Variants in ITLN1 observed in about 807,000 individuals in gnomAD.
ITLN1 encodes the protein intelectin-1.
ITLN1 carries 29 observed loss-of-function variants against 36.2 expected under a neutral mutation model. The ratio of observed to expected loss-of-function variants is 0.80; its 90% confidence interval spans 0.60 to 1.09. The LOEUF is 1.09. Among genes scored for constraint, ITLN1 ranks in the 50% least tolerant of loss-of-function variants. ITLN1 has a pLI of 0.00. For missense variants in ITLN1, 358 were observed against 405.2 expected, an observed-to-expected ratio of 0.88 and a Z score of 1.00; for synonymous variants, 143 against 146.5, an observed-to-expected ratio of 0.98 and a Z score of 0.17.
chr1:160,881,827 A>ATT, intron 4 of ITLN1, 130 bp downstream of exon 4: 3 of 941,638 alleles, frequency 3.2e-6, no homozygotes, highest in Non-Finnish European at 4.7e-6. Context: ...AAAAAAAAAG[A>ATT]TATAAGTATT....
chr1:160,879,476 C>T lies in ITLN1; in HGVS notation c.686-62G>A, dbSNP rs1670643838. 3.0e-6 allele frequency: 4 copies of T among 1,320,260 alleles called. No individual in the cohort carries two copies. The African/African-American group carries it at 4.4e-5, about 14-fold the overall frequency. The allele number at this position is 1,320,260 out of a possible 1,614,324, so 81.8% of individuals were successfully genotyped here. On this transcript the variant is annotated intron_variant, in intron 6 of 7. Transcript: ENST00000326245. ...ATGCTAGAAATTGCTTTCCTTAGGCCAGCCCAGAGGCTCTCGATGCCAAAG... is the reference window on the plus strand; with the variant it reads ...ATGCTAGAAATTGCTTTCCTTAGGCTAGCCCAGAGGCTCTCGATGCCAAAG...
At chr1:160,881,086 G>T in intron 5 of ITLN1, 68 bp downstream of exon 5, 1 of 1,490,888 alleles carries the variant, frequency 6.7e-7, no homozygotes, top group Non-Finnish European at 9.0e-7. Context: ...AATGACTCCT[G>T]CCCAACCTCT....
In ITLN1 at chr1:160,876,819, G is replaced by A; in HGVS notation, c.790-3C>T. 5.6e-6 allele frequency: 9 copies of A among 1,613,388 alleles called. No homozygotes were observed. The highest frequency in any genetic ancestry group is 7.6e-6 in the Non-Finnish European group (9 of 1,179,756). ...TATCCTCCTCCACCAATGCAGTGCT[G>A]GGAAACAAAGAGAGGAAGAGGCAGT... On this transcript the variant is annotated splice_polypyrimidine_tract_variant and splice_region_variant and intron_variant, in intron 7 of 7. Transcript: ENST00000326245.
intron 7 of ITLN1, 113 bp from the exon 8 acceptor site, chr1:160,876,929 C>T: frequency 9.4e-7 from 1 of 1,059,780 alleles, no homozygotes; most frequent in African/African-American, 1.6e-5. Context: ...TCTCCATTGA[C>T]AGTGTTGATC....
At chr1:160,879,203 G>A (rs3766357) in intron 7 of ITLN1, 108 bp downstream of exon 7, 550,498 of 843,350 alleles carry the variant, frequency 0.65, 183,487 homozygotes, top group Admixed American at 0.7. Context: ...TCCCACACAC[G>A]TACACACACA....
chr1:160,881,580 G>A (rs1011091090), intron 4 of ITLN1: 25 of 489,774 alleles, frequency 5.1e-5, no homozygotes, highest in African/African-American at 7.9e-5. Flanking sequence ...AGACCAAGGC[G>A]GGCAGGTCAC....
chr1:160,876,649 C>T lies in ITLN1; in HGVS notation c.*15G>A. 6.2e-7 allele frequency: 1 copy of T among 1,613,684 alleles called. No homozygotes were observed. Among genetic ancestry groups the T allele is most frequent in the South Asian group, 1.1e-5 (1 of 91,024 alleles). On this transcript the variant is annotated 3_prime_UTR_variant, in exon 8 of 8. Coordinates refer to ENST00000326245, the MANE Select transcript of ITLN1 (RefSeq NM_017625.3). ...TGGTTGGGAGGAGAGGTCTGGGTTC[C>T]CTCCCACAAAACTCTCAACGATAGA...
At position 160,876,588 on chromosome 1, in the gene ITLN1, C is replaced by T. The variant is rs1052266866; in HGVS notation, c.*76G>A. The T allele has an allele frequency of 1.4e-6, 2 of 1,418,004 alleles. No homozygotes were observed. The highest frequency in any genetic ancestry group is 2.8e-5 in the African/African-American group (2 of 70,256). 87.8% of individuals were successfully genotyped at this position (1,418,004 alleles called of 1,614,324 possible). A position where few individuals can be genotyped will look rare whatever the true frequency, so the allele number is the denominator to read the frequency against. On this transcript the variant is annotated 3_prime_UTR_variant, in exon 8 of 8. Transcript: ENST00000326245. Reference sequence around the variant, plus strand: ...TTCTCTTCTGCCATTAACATTCTAGCTACTGGGTAAGTTGTTCTCCATCCT... The same window carrying T: ...TTCTCTTCTGCCATTAACATTCTAGTTACTGGGTAAGTTGTTCTCCATCCT...
chr1:160,879,207 A>G, intron 7 of ITLN1, 104 bp downstream of exon 7: 1 of 852,418 alleles, frequency 1.2e-6, no homozygotes, highest in East Asian at 2.4e-5. Flanking sequence ...ACACACGTAC[A>G]CACACACCCC....
chr1:160,880,650 G>A lies in ITLN1; in HGVS notation c.623C>T (p.Pro208Leu), dbSNP rs1360767242. 1.2e-6 allele frequency: 2 copies of A among 1,613,916 alleles called. No homozygotes were observed. The highest frequency in any genetic ancestry group is 1.3e-5 in the African/African-American group (1 of 74,892). ...KCWTDNGPVI[P>L]VVYDFGDAQK... ...GGCGTCGCCAAAATCATAGACCACA[G>A]GGATCACCGGGCCGTTGTCAGTCCA... Residue 208 changes from proline to leucine, a missense_variant, in exon 6 of 8, where the codon CCT becomes CTT. Coordinates refer to ENST00000326245, the MANE Select transcript of ITLN1 (RefSeq NM_017625.3).
At chr1:160,884,103 G>A (rs527996406) in intron 2 of ITLN1, among the ~76,000 whole-genome samples, 8 of 151,336 alleles carry the variant, frequency 5.3e-5, no homozygotes, top group Admixed American at 2.0e-4. Flanking sequence ...TTTATCAGTA[G>A]GAAGCCAATC....
chr1:160,881,939 G>C lies in ITLN1; in HGVS notation c.405+18C>G, dbSNP rs1203035197. On this transcript the variant is annotated intron_variant, in intron 4 of 7. Transcript: ENST00000326245. ...CCACTCCTCACCCTCACCCGAGTGG[G>C]TAAGAAGTGGCACCAACCTTGTAGT... is the stretch of plus-strand genomic sequence containing the variant. The C allele has an allele frequency of 6.2e-7, 1 of 1,614,140 alleles. No homozygotes were observed.
intron 6 of ITLN1, 95 bp from the exon 7 acceptor site, chr1:160,879,509 T>C (rs894574977): frequency 2.2e-5 from 20 of 912,600 alleles, no homozygotes; most frequent in Non-Finnish European, 3.2e-5. Context: ...AAGCTCAGGC[T>C]ACAGCCCAAC....
In ITLN1 at chr1:160,882,001, T is replaced by A. The variant is rs1670686840; in HGVS notation, c.361A>T (p.Asn121Tyr). ...PEGDGNWANY[N>Y]TFGSAEAATS... ...GCCGCCTCTGCAGATCCAAAGGTGT[T>A]GTAGTTGGCCCAGTTGCCGTCCCCC... Residue 121 changes from asparagine to tyrosine, a missense_variant, in exon 4 of 8, where the codon AAC becomes TAC. Transcript: ENST00000326245. 1 of 1,613,910 alleles carries A rather than the reference T, an allele frequency of 6.2e-7. No individual in the cohort carries two copies. Among genetic ancestry groups the A allele is most frequent in the African/African-American group, 1.3e-5 (1 of 74,848 alleles).
chr1:160,877,022 G>A (rs1670599412), intron 7 of ITLN1, among the ~76,000 whole-genome samples: 1 of 152,214 alleles, frequency 6.6e-6, no homozygotes, highest in Non-Finnish European at 1.5e-5. Flanking sequence ...TGGATCACTT[G>A]AGGCCAGGGG....
rs200306487 is a variant in ITLN1, at chr1:160,881,940, T to A, written c.405+17A>T. 1.6e-5 allele frequency: 26 copies of A among 1,613,802 alleles called. No individual in the cohort carries two copies. Among genetic ancestry groups the A allele is most frequent in the Admixed American group, 1.7e-5 (1 of 59,968 alleles). ...CACTCCTCACCCTCACCCGAGTGGG[T>A]AAGAAGTGGCACCAACCTTGTAGTC... On this transcript the variant is annotated intron_variant, in intron 4 of 7. Coordinates refer to ENST00000326245, the MANE Select transcript of ITLN1 (RefSeq NM_017625.3).
At chr1:160,879,535 G>T in intron 6 of ITLN1, 121 bp from the exon 7 acceptor site, 1 of 736,092 alleles carries the variant, frequency 1.4e-6, no homozygotes, top group Non-Finnish European at 2.3e-6. Context: ...AGCTGTACTG[G>T]TGGAGCCCAG....
chr1:160,883,407 T>C (rs1670709609), intron 3 of ITLN1, 21 bp downstream of exon 3: 1 of 1,548,530 alleles, frequency 6.5e-7, no homozygotes, highest in Non-Finnish European at 8.9e-7. Flanking sequence ...CTGAGCTCTG[T>C]TTGAATGTTT....
chr1:160,877,092 G>T (rs1018281324), intron 7 of ITLN1, among the ~76,000 whole-genome samples: 2 of 152,160 alleles, frequency 1.3e-5, no homozygotes, highest in African/African-American at 4.8e-5. Flanking sequence ...ACAAAAATTA[G>T]CCAGGTATGG....
Sources: gnomAD v4.1 joint callset for allele counts (sites outside exome capture counted in the v4.1 genomes callset) on GRCh38, gnomAD v4.1.1 for gene constraint, MANE v1.5 for transcripts, NCBI Gene and HGNC (gene_info 2026-07-23, HGNC 2026-07-21) for gene names.